Variants in ATG4A observed in about 807,000 individuals in gnomAD.
ATG4A encodes cysteine protease ATG4A.
Under a neutral mutation model 38.4 loss-of-function variants are expected in ATG4A, and 22 were observed. That is an observed-to-expected ratio of 0.57 (90% CI 0.41 to 0.82). The LOEUF is 0.82. ATG4A is among the 40% of genes least tolerant of loss of function. The pLI, the probability that ATG4A is intolerant of heterozygous loss-of-function variation, is 0.00. For synonymous variants in ATG4A, 86 were observed against 100.7 expected (o/e 0.85, Z 0.88); for missense variants, 220 against 290.0 (o/e 0.76, Z 1.75).
intron 1 of ATG4A, among the ~76,000 whole-genome samples, chrX:108,108,822 G>C (rs2032268561): frequency 1.8e-5 from 2 of 111,621 alleles, no homozygotes; most frequent in South Asian, 7.5e-4. Context: ...CTATGAATTT[G>C]ACTACTTTAG....
At chrX:108,116,878 T>G (rs141084587) in intron 1 of ATG4A, among the ~76,000 whole-genome samples, 212 of 112,232 alleles carry the variant, frequency 1.9e-3, no homozygotes, top group African/African-American at 6.6e-3. Flanking sequence ...TAACTCTCAC[T>G]CATTTTCTAA....
At position 108,134,159 on chromosome X, in the gene ATG4A, G is replaced by C; in HGVS notation, c.394+1G>C. 1 of 1,195,053 alleles carries C rather than the reference G, an allele frequency of 8.4e-7. No homozygotes were observed. The highest frequency in any genetic ancestry group is 1.1e-6 in the Non-Finnish European group (1 of 883,380). ...TGTTGCTACTCTATCCATCAAATGG[G>C]TAAGGTCATAAATCAATAGTTTAAA... On this transcript the variant is annotated splice_donor_variant, in intron 5 of 12. Transcript: ENST00000372232. LOFTEE classifies it high-confidence loss of function.
At chrX:108,152,701 G>A (rs1334841794) in intron 11 of ATG4A, among the ~76,000 whole-genome samples, 2 of 111,941 alleles carry the variant, frequency 1.8e-5, no homozygotes, top group South Asian at 3.7e-4. Flanking sequence ...GGACCCATGC[G>A]TCTGGCACAG....
intron 1 of ATG4A, among the ~76,000 whole-genome samples, chrX:108,095,320 G>A (rs941959810): frequency 1.8e-5 from 2 of 111,967 alleles, no homozygotes; most frequent in African/African-American, 6.5e-5. Flanking sequence ...CACCTCCCTA[G>A]CACAAGCAAT....
intron 1 of ATG4A, among the ~76,000 whole-genome samples, chrX:108,102,177 C>T (rs1184839793): frequency 2.7e-5 from 3 of 111,417 alleles, no homozygotes; most frequent in Admixed American, 9.5e-5. Flanking sequence ...TCTACACGCA[C>T]ACCAGCAGTG....
upstream of ATG4A, among the ~76,000 whole-genome samples, chrX:108,089,509 C>A (rs1446411476): frequency 8.9e-6 from 1 of 112,261 alleles, no homozygotes; most frequent in Non-Finnish European, 1.9e-5. Flanking sequence ...ACACAACACA[C>A]AGAAAACAAG....
chrX:108,091,848 G>A lies in ATG4A; in HGVS notation c.10+12G>A, dbSNP rs1245806886. The A allele has an allele frequency of 8.3e-7, 1 of 1,211,468 alleles. No individual in the cohort carries two copies. Among genetic ancestry groups the A allele is most frequent in the East Asian group, 3.0e-5 (1 of 33,818 alleles). ...GAGAATGGAGTCAGGTACGGGGAGC[G>A]GCTTTGAGTGGAACCGTGTGAAAGA... is the stretch of plus-strand genomic sequence containing the variant. On this transcript the variant is annotated intron_variant, in intron 1 of 12. Coordinates refer to ENST00000372232, the MANE Select transcript of ATG4A (RefSeq NM_052936.5).
chrX:108,132,191 G>A (rs1002812832), intron 4 of ATG4A, among the ~76,000 whole-genome samples: 3 of 112,096 alleles, frequency 2.7e-5, no homozygotes, highest in Non-Finnish European at 3.8e-5. Context: ...GAGCTACCGC[G>A]CCTGGCTGGT....
intron 1 of ATG4A, among the ~76,000 whole-genome samples, chrX:108,122,402 A>T (rs764921151): frequency 8.9e-6 from 1 of 112,137 alleles, no homozygotes; most frequent in Middle Eastern, 4.6e-3. Context: ...AAAGGCTTGC[A>T]GCAATCCAGG....
chrX:108,094,054 C>T (rs1442428649), intron 1 of ATG4A, among the ~76,000 whole-genome samples: 1 of 111,102 alleles, frequency 9.0e-6, no homozygotes, highest in Non-Finnish European at 1.9e-5. Context: ...GAAGTGAAAA[C>T]GTTTTGAATT....
intron 1 of ATG4A, among the ~76,000 whole-genome samples, chrX:108,117,599 C>T (rs771310048): frequency 9.0e-6 from 1 of 111,397 alleles, no homozygotes; most frequent in Non-Finnish European, 1.9e-5. Context: ...TGGAAATTTA[C>T]GAAGTGGGCC....
chrX:108,134,648 T>C (rs979837974), intron 6 of ATG4A, among the ~76,000 whole-genome samples: 7 of 112,047 alleles, frequency 6.2e-5, no homozygotes, highest in African/African-American at 2.3e-4. Flanking sequence ...GGCTGTATCC[T>C]AGGACTCATT....
At chrX:108,132,384 A>C (rs2032981261) in intron 4 of ATG4A, among the ~76,000 whole-genome samples, 1 of 111,752 alleles carries the variant, frequency 8.9e-6, no homozygotes, top group Admixed American at 9.5e-5. Flanking sequence ...GGCTGTTGCT[A>C]ATTGAGGTTC....
At chrX:108,103,156 G>T (rs2032069768) in intron 1 of ATG4A, among the ~76,000 whole-genome samples, 1 of 111,724 alleles carries the variant, frequency 9.0e-6, no homozygotes, top group African/African-American at 3.3e-5. Flanking sequence ...TCCCTGCAAA[G>T]GACATGATCT....
Position 108,137,950 on chromosome X carries a change from G to T in ATG4A, c.694G>T (p.Gly232Cys). 1 of 1,203,543 alleles carries T rather than the reference G, an allele frequency of 8.3e-7. No homozygotes were observed. Among genetic ancestry groups the T allele is most frequent in the African/African-American group, 1.7e-5 (1 of 57,381 alleles). ...PLLLIVPLRL[G>C]INQINPVYVD... is the part of the protein sequence containing the mutation. The stretch of plus-strand genomic sequence containing the variant: ...GCTGCTCATTGTGCCCCTTCGCCTG[G>T]GCATAAACCAAATCAATCCTGTCTA... Residue 232 changes from glycine to cysteine, a missense_variant, in exon 8 of 13, where the codon GGC becomes TGC. By Grantham distance (159) the Gly-to-Cys change is radical. Around this residue, in one of 3 missense-constraint regions of ATG4A, gnomAD observed 159 missense variants for 188.9 expected, o/e 0.84. Transcript: ENST00000372232.
intron 1 of ATG4A, among the ~76,000 whole-genome samples, chrX:108,100,400 C>T (rs1013276868): frequency 1.8e-5 from 2 of 110,549 alleles, no homozygotes; most frequent in African/African-American, 6.6e-5. Context: ...TTAGGACTTT[C>T]TATGTAGACC....
intron 9 of ATG4A, among the ~76,000 whole-genome samples, chrX:108,140,965 C>T (rs937865305): frequency 2.3e-5 from 2 of 86,478 alleles, no homozygotes; most frequent in African/African-American, 9.3e-5. Context: ...TACATATATA[C>T]ACATATATAC....
At chrX:108,138,970 G>A (rs1367616317) in intron 9 of ATG4A, among the ~76,000 whole-genome samples, 1 of 111,844 alleles carries the variant, frequency 8.9e-6, no homozygotes, top group African/African-American at 3.3e-5. Flanking sequence ...GTGTTGAAGA[G>A]CATAAGTTAG....
intron 1 of ATG4A, among the ~76,000 whole-genome samples, chrX:108,096,614 T>G (rs2147953660): frequency 8.9e-6 from 1 of 112,199 alleles, no homozygotes; most frequent in African/African-American, 3.2e-5. Context: ...ACTGAGTGAC[T>G]TGTTTGGGTA....
Sources: allele counts gnomAD v4.1 joint callset (sites outside exome capture counted in the v4.1 genomes callset), GRCh38; gene constraint gnomAD v4.1.1; regional missense constraint gnomAD v4.1.1; transcripts MANE v1.5; gene names NCBI Gene and HGNC (gene_info 2026-07-23, HGNC 2026-07-21).